Variants in PZP observed in about 807,000 individuals in gnomAD.
PZP encodes pregnancy zone protein.
In PZP, 150 loss-of-function variants were observed where a neutral mutation model predicts 179.8. The ratio of observed to expected loss-of-function variants is 0.83; its 90% CI spans 0.73 to 0.96. The LOEUF is 0.96. Among genes scored for constraint, PZP ranks in the 40% least tolerant of loss-of-function variants. The pLI is 0.00. For synonymous variants in PZP, 624 were observed against 652.3 expected (o/e 0.96, Z 0.66); for missense variants, 1,689 against 1,764.0 (o/e 0.96, Z 0.76).
At chr12:9,169,376 A>C in intron 16 of PZP, 54 bp downstream of exon 16, 1 of 1,446,234 alleles carries the variant, frequency 6.9e-7, no homozygotes, top group East Asian at 2.3e-5. Context: ...ACAGAGTTTT[A>C]TTAACATTCA....
intron 14 of PZP, among the ~76,000 whole-genome samples, chr12:9,181,358 T>A (rs1452241913): frequency 6.6e-6 from 1 of 152,226 alleles, no homozygotes; most frequent in African/African-American, 2.4e-5. Context: ...ACATAAATAG[T>A]TAGATCTGTT....
At position 9,163,689 on chromosome 12, in the gene PZP, G is replaced by T; in HGVS notation, c.2715C>A (p.Val905=). 6.2e-7 allele frequency: 1 copy of T among 1,613,806 alleles called. No individual in the cohort carries two copies. Among genetic ancestry groups the T allele is most frequent in the South Asian group, 1.1e-5 (1 of 91,030 alleles). Residue 905 remains valine, a synonymous_variant, in exon 21 of 36, where the codon GTC becomes GTA. Transcript: ENST00000261336. ...TTACCTCCACCAACAGGGTTTTGAT[G>T]ACTGTGTCTTTTCTTTTAATCTCAG... The part of the protein sequence containing the change: ...EVPEIKRKDT[V]IKTLLVEAEG...
At chr12:9,184,530 A>G (rs984151778) in intron 13 of PZP, among the ~76,000 whole-genome samples, 7 of 152,194 alleles carry the variant, frequency 4.6e-5, no homozygotes, top group Non-Finnish European at 1.0e-4. Flanking sequence ...GCAACCTGGC[A>G]CCTGCTAGCA....
chr12:9,152,249 AAC>A lies in PZP; in HGVS notation c.4181_4182del (p.Gly1394ValfsTer12). Reference protein sequence around the residue: ...MVIVDVKMVSGFIPLKPTVKM... With the variant: ...MVIVDVKMVSXFIPLKPTVKM... Reference sequence around the variant, plus strand: ...TTTACTGTTGGTTTCAGGGGAATAAAACCAGATACCATCTTTACATCAACAAT... The same window carrying A: ...TTTACTGTTGGTTTCAGGGGAATAAACAGATACCATCTTTACATCAACAAT... On this transcript the variant is annotated frameshift_variant, in exon 32 of 36. Transcript: ENST00000261336. LOFTEE classifies it high-confidence loss of function. 1 of 1,612,656 alleles carries A rather than the reference AAC, an allele frequency of 6.2e-7. No homozygotes were observed. Among genetic ancestry groups the A allele is most frequent in the Non-Finnish European group, 8.5e-7 (1 of 1,178,680 alleles).
intron 14 of PZP, 119 bp from the exon 15 acceptor site, chr12:9,181,251 T>A: frequency 7.8e-7 from 1 of 1,274,410 alleles, no homozygotes; most frequent in African/African-American, 1.5e-5. Flanking sequence ...GTAATGTCAG[T>A]CAGAAACCTA....
intron 10 of PZP, among the ~76,000 whole-genome samples, chr12:9,195,867 TATAATA>T (rs148986919): frequency 2.0e-5 from 3 of 150,716 alleles, no homozygotes; most frequent in Non-Finnish European, 4.4e-5. Flanking sequence ...CATATAAAAA[TATAATA>T]ATAATAACCA....
chr12:9,147,509 G>A (rs1251815250), downstream of PZP, among the ~76,000 whole-genome samples: 1 of 152,150 alleles, frequency 6.6e-6, no homozygotes, highest in Non-Finnish European at 1.5e-5. Context: ...GCTTCGGTGA[G>A]TCTGCTTTTG....
At chr12:9,207,896 G>GTA (rs558751805) in intron 1 of PZP, among the ~76,000 whole-genome samples, 32 of 151,666 alleles carry the variant, frequency 2.1e-4, no homozygotes, top group South Asian at 8.3e-4. Context: ...TATACTTTCT[G>GTA]TATATATATA....
rs1485436648 is a variant in PZP at position 9,193,869 on chromosome 12, ATGAT to A, written c.1254+204_1254+207del. Among the ~76,000 whole-genome samples, 172 of 152,338 alleles carry A rather than the reference ATGAT, an allele frequency of 1.1e-3. 4 individuals are homozygous for A. The East Asian group carries it at 0.021, about 19-fold the overall frequency. ...CATACTATATAAAATGTTACAGATAATGATAGTGAAATTATCAGGCACTTCTGCA... is the reference window on the plus strand; with the variant it reads ...CATACTATATAAAATGTTACAGATAAAGTGAAATTATCAGGCACTTCTGCA... On this transcript the variant is annotated intron_variant, in intron 11 of 35. Coordinates refer to ENST00000261336, the MANE Select transcript of PZP (RefSeq NM_002864.3).
At chr12:9,163,606 T>G in intron 21 of PZP, 62 bp downstream of exon 21, 1 of 1,575,952 alleles carries the variant, frequency 6.3e-7, no homozygotes, top group Non-Finnish European at 8.6e-7. Flanking sequence ...CTTTGTTGTC[T>G]CAAGAGTGAC....
At chr12:9,175,066 A>G (rs1198917209) in intron 15 of PZP, among the ~76,000 whole-genome samples, 5 of 152,222 alleles carry the variant, frequency 3.3e-5, no homozygotes, top group Admixed American at 2.0e-4. Flanking sequence ...AAACTTTACT[A>G]CAAGGTTACA....
At chr12:9,203,640 C>A in intron 2 of PZP, 128 bp downstream of exon 2, 2 of 1,124,586 alleles carry the variant, frequency 1.8e-6, no homozygotes, top group South Asian at 3.2e-5. Context: ...CGCACCTGGC[C>A]CCTGAAGTCC....
intron 13 of PZP, among the ~76,000 whole-genome samples, chr12:9,191,063 G>T (rs2121091742): frequency 6.6e-6 from 1 of 152,128 alleles, no homozygotes; most frequent in Admixed American, 6.5e-5. Flanking sequence ...TCCAATTGTT[G>T]ACTCAGCTAC....
At chr12:9,138,854 T>C in the PZP span, among the ~76,000 whole-genome samples, 4 of 152,004 alleles carry the variant, frequency 2.6e-5, no homozygotes, top group African/African-American at 9.7e-5. Flanking sequence ...TTTTTTTTAG[T>C]CTAAATAAGG....
chr12:9,137,464 C>T, the PZP span, among the ~76,000 whole-genome samples: 1 of 151,958 alleles, frequency 6.6e-6, no homozygotes, highest in African/African-American at 2.4e-5. Flanking sequence ...AGTGTGAGTC[C>T]TCCAGCTTTC....
the PZP span, among the ~76,000 whole-genome samples, chr12:9,141,289 A>G: frequency 2.3e-4 from 35 of 152,344 alleles, no homozygotes; most frequent in Non-Finnish European, 3.7e-4. Context: ...ATATTTGACA[A>G]TGCTTCCTGT....
rs147424033 is a variant in PZP at position 9,152,243 on chromosome 12, G to C, written c.4189C>G (p.Pro1397Ala). The C allele has an allele frequency of 2.5e-6, 4 of 1,610,726 alleles. No homozygotes were observed. Among genetic ancestry groups the C allele is most frequent in the Non-Finnish European group, 3.4e-6 (4 of 1,177,174 alleles). Residue 1397 changes from proline (P) to alanine (A), a missense_variant, in exon 32 of 36, where the codon CCC becomes GCC. By Grantham distance (27) the Pro-to-Ala change is conservative. Coordinates refer to ENST00000261336, the MANE Select transcript of PZP (RefSeq NM_002864.3). The part of the protein sequence containing the change: ...VDVKMVSGFI[P>A]LKPTVKMLER... ...ACCATTTTTACTGTTGGTTTCAGGGGAATAAAACCAGATACCATCTTTACA... is the reference window on the plus strand; with the variant it reads ...ACCATTTTTACTGTTGGTTTCAGGGCAATAAAACCAGATACCATCTTTACA...
intron 34 of PZP, among the ~76,000 whole-genome samples, chr12:9,150,187 G>C (rs1940246497): frequency 6.6e-6 from 1 of 152,206 alleles, no homozygotes; most frequent in Non-Finnish European, 1.5e-5. Flanking sequence ...CTTGAAAGCA[G>C]TGACTATATA....
intron 35 of PZP, among the ~76,000 whole-genome samples, 153 bp downstream of exon 35, chr12:9,149,407 AG>A (rs1025031129): frequency 6.6e-6 from 1 of 152,222 alleles, no homozygotes; most frequent in Non-Finnish European, 1.5e-5. Flanking sequence ...GCTACAGAAT[AG>A]GCATGCTACG....
Sources: gnomAD v4.1 joint callset for allele counts (sites outside exome capture counted in the v4.1 genomes callset) on GRCh38, gnomAD v4.1.1 for gene constraint, MANE v1.5 for transcripts, NCBI Gene and HGNC (gene_info 2026-07-23, HGNC 2026-07-21) for gene names.